Variants in DNAH3 observed in about 807,000 individuals in gnomAD.
The protein encoded by DNAH3 is axonemal beta dynein heavy chain 3.
DNAH3 carries 332 observed loss-of-function variants against 432.5 expected under a neutral mutation model. That is an observed-to-expected ratio of 0.77 (90% CI 0.70 to 0.84). The LOEUF (loss-of-function observed/expected upper bound fraction) is 0.84. Ranked by LOEUF, DNAH3 falls within the 40% of genes least tolerant of loss-of-function variation. The pLI, the probability that DNAH3 is intolerant of heterozygous loss-of-function variation, is 0.00. For missense variants in DNAH3, 4,861 were observed against 5,114.0 expected (o/e 0.95, Z 1.51); for synonymous variants, 1,956 against 1,900.2 (o/e 1.03, Z -0.76).
At chr16:21,120,840 T>G (rs756758449) in exon 11 of DNAH3, 5 of 1,613,778 alleles carry the variant, frequency 3.1e-6, no homozygotes, top group Non-Finnish European at 4.2e-6. Flanking sequence ...AGAACTTAAG[T>G]GGTATGTATT....
rs73538203 is a variant in DNAH3 at position 21,007,599 on chromosome 16, T to C, written c.6023-4392A>G. Among the ~76,000 whole-genome samples the C allele has an allele frequency of 2.5e-3, 378 of 152,320 alleles. 2 individuals are homozygous for C. Among genetic ancestry groups the C allele is most frequent in the African/African-American group, 8.3e-3 (346 of 41,574 alleles). On this transcript the variant is annotated intron_variant, in intron 41 of 61. Coordinates refer to ENST00000261383, the Ensembl canonical transcript of DNAH3. Reference sequence around the variant, plus strand: ...ATTAAATTATCATCACTCTATATATTCTAAATTTGAGTCCCTTATAAGGTA... The same window carrying C: ...ATTAAATTATCATCACTCTATATATCCTAAATTTGAGTCCCTTATAAGGTA...
At chr16:21,127,786 G>A in exon 8 of DNAH3, 4 of 1,614,126 alleles carry the variant, frequency 2.5e-6, no homozygotes, top group Non-Finnish European at 2.5e-6. Flanking sequence ...TATTTCTGCT[G>A]TTCGAACAAA....
At chr16:21,068,130 C>T (rs2090638102) in intron 23 of DNAH3, among the ~76,000 whole-genome samples, 1 of 152,152 alleles carries the variant, frequency 6.6e-6, no homozygotes, top group South Asian at 2.1e-4. Flanking sequence ...CCAGTTTGAT[C>T]ACACTTGACT....
chr16:21,108,003 T>G (rs1430976260), intron 14 of DNAH3, among the ~76,000 whole-genome samples: 1 of 152,050 alleles, frequency 6.6e-6, no homozygotes, highest in Non-Finnish European at 1.5e-5. Flanking sequence ...TAGCTGGGAT[T>G]ACAGGCACCG....
exon 2 of DNAH3, chr16:21,146,071 G>A (rs2092779349): frequency 1.2e-6 from 2 of 1,612,802 alleles, no homozygotes; most frequent in Non-Finnish European, 1.7e-6. Flanking sequence ...TGTGATGTAT[G>A]GAGTCACTTT....
chr16:21,018,854 C>A (rs936568413), intron 41 of DNAH3, among the ~76,000 whole-genome samples: 1 of 151,682 alleles, frequency 6.6e-6, no homozygotes, highest in Non-Finnish European at 1.5e-5. Context: ...AAGATCATAC[C>A]ACTATACTCC....
At chr16:20,996,357 C>T (rs1224889464) in intron 44 of DNAH3, among the ~76,000 whole-genome samples, 1 of 152,092 alleles carries the variant, frequency 6.6e-6, no homozygotes, top group East Asian at 1.9e-4. Context: ...TGAACTTAAC[C>T]TTTTGATGAT....
At chr16:20,985,315 ATCT>A (rs750740868) in exon 48 of DNAH3, 39 of 1,613,944 alleles carry the variant, frequency 2.4e-5, no homozygotes, top group Middle Eastern at 1.6e-4. Flanking sequence ...CTGCAGTATG[ATCT>A]TCTTAAGATC....
chr16:20,972,610 T>A (rs1329590394), intron 51 of DNAH3, among the ~76,000 whole-genome samples: 1 of 152,022 alleles, frequency 6.6e-6, no homozygotes, highest in Non-Finnish European at 1.5e-5. Context: ...CATCTGTAAT[T>A]CAGGGTATTC....
chr16:21,099,070 G>A (rs746813757), intron 16 of DNAH3, among the ~76,000 whole-genome samples: 25 of 152,080 alleles, frequency 1.6e-4, no homozygotes, highest in Non-Finnish European at 2.9e-4. Flanking sequence ...ATATGTACAC[G>A]TATACATACT....
At chr16:20,969,426 T>TTCTC (rs145402033) in intron 52 of DNAH3, among the ~76,000 whole-genome samples, 10 of 150,062 alleles carry the variant, frequency 6.7e-5, no homozygotes, top group South Asian at 6.3e-4. Flanking sequence ...CTTTCTCTGC[T>TTCTC]TCTCTCTCTC....
Position 20,985,481 on chromosome 16 carries a change from G to A in DNAH3, c.7261C>T (p.Arg2421Cys), listed in dbSNP as rs776772766. ...TGGCCTTTGTCCTGCTTCAGGACAC[G>A]GCAGATCCTAGAGATGTGCTCAATG... The change falls in exon 48 of 62, where the codon CGT becomes TGT. Residue 2421 changes from arginine (R) to cysteine (C), a missense_variant. Physicochemically the swap from Arg to Cys is radical, Grantham distance 180. Coordinates refer to ENST00000261383, the Ensembl canonical transcript of DNAH3. 87 of 1,614,032 alleles carry A rather than the reference G, an allele frequency of 5.4e-5. No homozygotes were observed. The highest frequency in any genetic ancestry group is 7.0e-5 in the Non-Finnish European group (83 of 1,180,030).
chr16:21,003,195 T>G (rs760234568), exon 42 of DNAH3: 28 of 1,608,406 alleles, frequency 1.7e-5, no homozygotes, highest in African/African-American at 2.7e-5. Context: ...AAAATAAAAA[T>G]CATAGATGCT....
chr16:20,934,358 C>T (rs2083513661), intron 61 of DNAH3, among the ~76,000 whole-genome samples: 1 of 152,190 alleles, frequency 6.6e-6, no homozygotes, highest in African/African-American at 2.4e-5. Context: ...ATAAACCCAT[C>T]ATAAGTTGAA....
chr16:20,982,723 T>C, exon 49 of DNAH3: 3 of 1,613,120 alleles, frequency 1.9e-6, no homozygotes, highest in South Asian at 2.2e-5. Flanking sequence ...ACACTTACTC[T>C]ACCCGAATGT....
At chr16:21,071,648 G>C (rs1402409279) in intron 21 of DNAH3, among the ~76,000 whole-genome samples, 2 of 152,070 alleles carry the variant, frequency 1.3e-5, no homozygotes, top group Non-Finnish European at 2.9e-5. Flanking sequence ...AGCACTTTGG[G>C]AGGCTGAGGT....
exon 14 of DNAH3, chr16:21,111,650 T>A: frequency 6.2e-7 from 1 of 1,613,312 alleles, no homozygotes; most frequent in South Asian, 1.1e-5. Flanking sequence ...TCGGTTTACA[T>A]CCACTTGGAA....
At chr16:21,065,496 G>A (rs2090513280) in intron 24 of DNAH3, among the ~76,000 whole-genome samples, 1 of 151,980 alleles carries the variant, frequency 6.6e-6, no homozygotes, top group Non-Finnish European at 1.5e-5. Context: ...AACAGGAGTG[G>A]GTCTAGAACT....
At chr16:21,062,457 AC>A (rs774706023) in intron 25 of DNAH3, 24 bp downstream of exon 25, 2 of 1,608,278 alleles carry the variant, frequency 1.2e-6, no homozygotes, top group Non-Finnish European at 1.7e-6. Flanking sequence ...GGAGAAAAGA[AC>A]CAAAAATGGG....
Sources: gnomAD v4.1 joint callset for allele counts (sites outside exome capture counted in the v4.1 genomes callset) on GRCh38, gnomAD v4.1.1 for gene constraint, MANE v1.5 for transcripts, NCBI Gene and HGNC (gene_info 2026-07-23, HGNC 2026-07-21) for gene names.